SPATA31D1: variants seen among roughly 807,000 people sequenced by gnomAD.
SPATA31D1 encodes the protein spermatogenesis-associated protein 31D1.
In SPATA31D1, 6 loss-of-function variants were observed where a neutral mutation model predicts 13.2. The ratio of observed to expected loss-of-function variants is 0.46; its 90% confidence interval spans 0.25 to 0.90. The LOEUF is 0.90. Among genes scored for constraint, SPATA31D1 ranks in the 40% least tolerant of loss-of-function variants. The pLI is 0.18. For missense variants in SPATA31D1, 2,445 were observed against 1,884.7 expected (o/e 1.30, Z -5.50); for synonymous variants, 903 against 718.8 (o/e 1.26, Z -4.10).
Position 81,993,155 on chromosome 9 carries a change from T to C in SPATA31D1, c.2685T>C (p.Leu895=), listed in dbSNP as rs1462015277. Reference sequence around the variant, plus strand: ...ATACTTCCCAGGAAATTTCCTTCCTTAGTTCCAACAAACAAAAGATGTTGG... The same window carrying C: ...ATACTTCCCAGGAAATTTCCTTCCTCAGTTCCAACAAACAAAAGATGTTGG... ...CVDTSQEISF[L]SSNKQKMLEA... is the part of the protein sequence containing the mutation. The change falls in exon 4 of 4, where the codon CTT becomes CTC. Residue 895 remains leucine (L), a synonymous_variant. Coordinates refer to ENST00000344803, the MANE Select transcript of SPATA31D1 (RefSeq NM_001001670.3). 6 of 1,613,880 alleles carry C rather than the reference T, an allele frequency of 3.7e-6. No individual in the cohort carries two copies. Among genetic ancestry groups the C allele is most frequent in the African/African-American group, 2.7e-5 (2 of 74,936 alleles).
Position 81,993,370 on chromosome 9 carries a change from G to A in SPATA31D1, c.2900G>A (p.Ser967Asn). 3 of 1,613,958 alleles carry A rather than the reference G, an allele frequency of 1.9e-6. No individual in the cohort carries two copies. The highest frequency in any genetic ancestry group is 2.2e-5 in the South Asian group (2 of 91,074). Reference protein sequence around the residue: ...KDGVSKSRSRSTFQGEKLGTT... With the variant: ...KDGVSKSRSRNTFQGEKLGTT... Reference sequence around the variant, plus strand: ...GGGGTCTCTAAGTCCCGTAGTCGAAGCACTTTTCAAGGAGAAAAGTTGGGA... The same window carrying A: ...GGGGTCTCTAAGTCCCGTAGTCGAAACACTTTTCAAGGAGAAAAGTTGGGA... The change falls in exon 4 of 4, where the codon AGC becomes AAC. Residue 967 changes from serine (S) to asparagine (N), a missense_variant. Physicochemically the swap from Ser to Asn is conservative, Grantham distance 46. Coordinates refer to ENST00000344803, the MANE Select transcript of SPATA31D1 (RefSeq NM_001001670.3).
Position 81,993,254 on chromosome 9 carries a change from C to T in SPATA31D1, c.2784C>T (p.Ile928=), listed in dbSNP as rs1428496614. 6.2e-7 allele frequency: 1 copy of T among 1,613,870 alleles called. No individual in the cohort carries two copies. Among genetic ancestry groups the T allele is most frequent in the African/African-American group, 1.3e-5 (1 of 74,930 alleles). Residue 928 remains isoleucine, a synonymous_variant, in exon 4 of 4, where the codon ATC becomes ATT. Transcript: ENST00000344803. ...LPLKVLESIE[I]FKSKADLSTS... Reference sequence around the variant, plus strand: ...TCAAGGTCCTTGAATCCATAGAAATCTTCAAATCGAAAGCGGACCTTTCCA... The same window carrying T: ...TCAAGGTCCTTGAATCCATAGAAATTTTCAAATCGAAAGCGGACCTTTCCA...
chr9:81,990,857 C>A lies in SPATA31D1; in HGVS notation c.387C>A (p.Val129=). The A allele has an allele frequency of 6.2e-7, 1 of 1,613,954 alleles. No homozygotes were observed. Residue 129 remains valine (V), a synonymous_variant, in exon 4 of 4, where the codon GTC becomes GTA. Transcript: ENST00000344803. ...GTCGACTGTTATGCCCAGACCCCGT[C>A]TGTCGGGTGTGTAAGAGAGCAACTG... is the stretch of plus-strand genomic sequence containing the variant. ...HFRRLLCPDP[V]CRVCKRATAD... is the part of the protein sequence containing the mutation.
Position 81,994,597 on chromosome 9 carries a change from A to G in SPATA31D1, c.4127A>G (p.Glu1376Gly). The change falls in exon 4 of 4, where the codon GAA becomes GGA. Residue 1376 changes from glutamate to glycine, a missense_variant. Glu to Gly is a moderately conservative substitution (Grantham distance 98). Coordinates refer to ENST00000344803, the MANE Select transcript of SPATA31D1 (RefSeq NM_001001670.3). ...TATGAAGAACAAGAAAGTTCCTGGG[A>G]AAAGGGTAGCTCCCTGTCATCATGT... ...ISYEEQESSW[E>G]KGSSLSSCVQ... is the part of the protein sequence containing the mutation. 1.2e-6 allele frequency: 2 copies of G among 1,612,818 alleles called. No homozygotes were observed. Among genetic ancestry groups the G allele is most frequent in the Non-Finnish European group, 1.7e-6 (2 of 1,179,296 alleles).
chr9:81,989,134 A>G, intron 1 of SPATA31D1, 130 bp downstream of exon 1: 1 of 1,367,980 alleles, frequency 7.3e-7, no homozygotes, highest in Non-Finnish European at 9.8e-7. Context: ...GAGAGGATAG[A>G]ACTTCACTCT....
At position 81,992,123 on chromosome 9, in the gene SPATA31D1, A is replaced by C; in HGVS notation, c.1653A>C (p.Gln551His). The change falls in exon 4 of 4, where the codon CAA (glutamine) becomes CAC (histidine). Residue 551 changes from glutamine to histidine, a missense_variant. Coordinates refer to ENST00000344803, the MANE Select transcript of SPATA31D1 (RefSeq NM_001001670.3). Reference protein sequence around the residue: ...SHESPVLPPPQPLSLPSTQPL... With the variant: ...SHESPVLPPPHPLSLPSTQPL... ...AATCCCCAGTACTTCCCCCTCCCCA[A>C]CCTCTGTCCTTGCCTAGTACCCAAC... The C allele has an allele frequency of 1.2e-6, 2 of 1,613,320 alleles. No individual in the cohort carries two copies. The highest frequency in any genetic ancestry group is 8.5e-7 in the Non-Finnish European group (1 of 1,179,614).
In SPATA31D1 at chr9:81,995,228, C is replaced by A; in HGVS notation, c.*27C>A. The A allele has an allele frequency of 6.8e-7, 1 of 1,475,464 alleles. No individual in the cohort carries two copies. Among genetic ancestry groups the A allele is most frequent in the South Asian group, 1.3e-5 (1 of 75,170 alleles). The allele number at this position is 1,475,464 out of a possible 1,614,324, so 91.4% of individuals were successfully genotyped here. ...TCACTCCTTGTTGAGAATCTTGATT[C>A]TCCCCAATAAATGTTCCAATAAGAA... On this transcript the variant is annotated 3_prime_UTR_variant, in exon 4 of 4. Transcript: ENST00000344803.
At chr9:81,989,072 T>G (rs1285065583) in intron 1 of SPATA31D1, 68 bp downstream of exon 1, 51 of 1,574,672 alleles carry the variant, frequency 3.2e-5, no homozygotes, top group Non-Finnish European at 4.1e-5. Flanking sequence ...ATTCCAACAT[T>G]TCTAAATAAG....
chr9:81,990,236 G>T lies in SPATA31D1; in HGVS notation c.233-181G>T, dbSNP rs1824923867. 9 of 560,176 alleles carry T rather than the reference G, an allele frequency of 1.6e-5. No individual in the cohort carries two copies. The South Asian group carries it at 2.6e-4, about 16-fold the overall frequency. The allele number at this position is 560,176 out of a possible 1,614,324, so 34.7% of individuals were successfully genotyped here. A position where few individuals can be genotyped will look rare whatever the true frequency, so the allele number is the denominator to read the frequency against. ...GAGCATCACATGGGGTAATGTATGTGAAAGGACTTTACTAATGATGCCACA... is the reference window on the plus strand; with the variant it reads ...GAGCATCACATGGGGTAATGTATGTTAAAGGACTTTACTAATGATGCCACA... On this transcript the variant is annotated intron_variant, in intron 2 of 3. Transcript: ENST00000344803.
rs1157392946 is a variant in SPATA31D1, at chr9:81,990,663, A to ATAC, written c.303-109_303-107dup. 1.7e-5 allele frequency: 24 copies of ATAC among 1,407,990 alleles called. No homozygotes were observed. The African/African-American group carries it at 2.9e-4, about 17-fold the overall frequency. 87.2% of individuals were successfully genotyped at this position (1,407,990 alleles called of 1,614,324 possible). On this transcript the variant is annotated intron_variant, in intron 3 of 3. Coordinates refer to ENST00000344803, the MANE Select transcript of SPATA31D1 (RefSeq NM_001001670.3). ...CTATAGTGAGGTCATAGGACCTCAT[A>ATAC]TACGGTGAGGTCCTGGGTTGGGGGC...
rs757678866 is a variant in SPATA31D1 at position 81,993,968 on chromosome 9, A to T, written c.3498A>T (p.Ser1166=). 6.2e-7 allele frequency: 1 copy of T among 1,613,902 alleles called. No individual in the cohort carries two copies. Among genetic ancestry groups the T allele is most frequent in the Non-Finnish European group, 8.5e-7 (1 of 1,179,788 alleles). Reference sequence around the variant, plus strand: ...GGAACAACTTGACAACCAGCAAGTCAGGAAGCTGCTCACTGACAAATGTGA... The same window carrying T: ...GGAACAACTTGACAACCAGCAAGTCTGGAAGCTGCTCACTGACAAATGTGA... ...QTRNNLTTSK[S]GSCSLTNVKA... Residue 1166 remains serine, a synonymous_variant, in exon 4 of 4, where the codon TCA becomes TCT. Coordinates refer to ENST00000344803, the MANE Select transcript of SPATA31D1 (RefSeq NM_001001670.3).
rs371191139 is a variant in SPATA31D1 at position 81,993,718 on chromosome 9, A to G, written c.3248A>G (p.Glu1083Gly). The G allele has an allele frequency of 1.2e-6, 2 of 1,613,894 alleles. No individual in the cohort carries two copies. The highest frequency in any genetic ancestry group is 2.7e-5 in the African/African-American group (2 of 74,936). The change falls in exon 4 of 4, where the codon GAG becomes GGG. Residue 1083 changes from glutamate to glycine, a missense_variant. Physicochemically the swap from Glu to Gly is moderately conservative, Grantham distance 98. Transcript: ENST00000344803. ...NDLTESVRTT[E>G]DGRQTFLPPP... ...CTTACAGAAAGTGTCCGGACAACAG[A>G]GGATGGCAGACAGACTTTTCTGCCC...
In SPATA31D1 at chr9:81,992,425, C is replaced by T. The variant is rs1824992085; in HGVS notation, c.1955C>T (p.Pro652Leu). The T allele has an allele frequency of 3.1e-6, 5 of 1,613,122 alleles. No individual in the cohort carries two copies. The highest frequency in any genetic ancestry group is 1.1e-5 in the South Asian group (1 of 91,046). Residue 652 changes from proline to leucine, a missense_variant, in exon 4 of 4, where the codon CCT becomes CTT. Pro to Leu is a moderately conservative substitution (Grantham distance 98). Transcript: ENST00000344803. ...CAAAAATCCCAGGAAGACTTTTGTCCTCCAGCTCCCAATCCTGAATTGGTC... is the reference window on the plus strand; with the variant it reads ...CAAAAATCCCAGGAAGACTTTTGTCTTCCAGCTCCCAATCCTGAATTGGTC... ...VVQKSQEDFC[P>L]PAPNPELVRK...
In SPATA31D1 at chr9:81,992,845, C is replaced by A. The variant is rs764583739; in HGVS notation, c.2375C>A (p.Ser792Tyr). 1 of 1,613,784 alleles carries A rather than the reference C, an allele frequency of 6.2e-7. No homozygotes were observed. Among genetic ancestry groups the A allele is most frequent in the African/African-American group, 1.3e-5 (1 of 75,054 alleles). ...KDHLLHGPET[S>Y]SDKDLRSNSE... Reference sequence around the variant, plus strand: ...CACCTGTTGCATGGTCCGGAGACTTCTTCAGACAAGGATCTGAGGTCTAAC... The same window carrying A: ...CACCTGTTGCATGGTCCGGAGACTTATTCAGACAAGGATCTGAGGTCTAAC... Residue 792 changes from serine to tyrosine, a missense_variant, in exon 4 of 4, where the codon TCT becomes TAT. By Grantham distance (144) the Ser-to-Tyr change is moderately radical (BLOSUM62 -2). Coordinates refer to ENST00000344803, the MANE Select transcript of SPATA31D1 (RefSeq NM_001001670.3).
chr9:81,988,565 G>A (rs1824892431), upstream of SPATA31D1, among the ~76,000 whole-genome samples: 1 of 152,118 alleles, frequency 6.6e-6, no homozygotes, highest in South Asian at 2.1e-4. Context: ...ATTCCACTAA[G>A]ATAAATATAT....
Position 81,995,165 on chromosome 9 carries a change from G to A in SPATA31D1, c.4695G>A (p.Lys1565=), listed in dbSNP as rs1825073459. ...TAACTGGACAGAAAATGCTTCCAAAGCATTTACAGGGAGGAAAATTTCCCC... is the reference window on the plus strand; with the variant it reads ...TAACTGGACAGAAAATGCTTCCAAAACATTTACAGGGAGGAAAATTTCCCC... The part of the protein sequence containing the change: ...PFLTGQKMLP[K]HLQGGKFPPT... The change falls in exon 4 of 4, where the codon AAG becomes AAA. Residue 1565 remains lysine (K), a synonymous_variant. Transcript: ENST00000344803. 1 of 1,554,740 alleles carries A rather than the reference G, an allele frequency of 6.4e-7. No homozygotes were observed.
rs1425577898 is a variant in SPATA31D1, at chr9:81,992,149, C to G, written c.1679C>G (p.Pro560Arg). The change falls in exon 4 of 4, where the codon CCA becomes CGA. Residue 560 changes from proline to arginine, a missense_variant. Transcript: ENST00000344803. ...CCTCTGTCCTTGCCTAGTACCCAAC[C>G]ACTACCCTTGCCTCAAACCCTGCCC... ...PQPLSLPSTQ[P>R]LPLPQTLPQG... 5.0e-6 allele frequency: 8 copies of G among 1,613,748 alleles called. No individual in the cohort carries two copies. The highest frequency in any genetic ancestry group is 6.8e-6 in the Non-Finnish European group (8 of 1,179,720).
At position 81,993,891 on chromosome 9, in the gene SPATA31D1, C is replaced by T. The variant is rs1369999245; in HGVS notation, c.3421C>T (p.Gln1141Ter). The change falls in exon 4 of 4, where the codon CAG becomes TAG. Residue 1141 changes from glutamine to a stop codon, truncating the protein, a stop_gained. Coordinates refer to ENST00000344803, the MANE Select transcript of SPATA31D1 (RefSeq NM_001001670.3). LOFTEE classifies it low-confidence loss of function (END_TRUNC). ...TTCCTTTCATAATGTAGACAGGCTT[C>T]AGGGCAGTAGAAAGACCTTTCCTGT... is the stretch of plus-strand genomic sequence containing the variant. ...KSSFHNVDRL[Q>*]GSRKTFPVTN... The T allele has an allele frequency of 1.2e-6, 2 of 1,613,858 alleles. No individual in the cohort carries two copies. The highest frequency in any genetic ancestry group is 2.7e-5 in the African/African-American group (2 of 74,930).
At position 81,993,771 on chromosome 9, in the gene SPATA31D1, A is replaced by G; in HGVS notation, c.3301A>G (p.Ser1101Gly). 6.2e-7 allele frequency: 1 copy of G among 1,614,028 alleles called. No individual in the cohort carries two copies. The highest frequency in any genetic ancestry group is 8.5e-7 in the Non-Finnish European group (1 of 1,179,896). ...GCCACACAGCATCGTAGACGAAGTC[A>G]GTCAGAAACAGACTGTACTGGCCAG... The part of the protein sequence containing the change: ...PPPHSIVDEV[S>G]QKQTVLASRC... The change falls in exon 4 of 4, where the codon AGT becomes GGT. Residue 1101 changes from serine (S) to glycine (G), a missense_variant. Ser to Gly is a moderately conservative substitution (Grantham distance 56, BLOSUM62 0). Coordinates refer to ENST00000344803, the MANE Select transcript of SPATA31D1 (RefSeq NM_001001670.3).
Sources: gnomAD v4.1 joint callset for allele counts (sites outside exome capture counted in the v4.1 genomes callset) on GRCh38, gnomAD v4.1.1 for gene constraint, MANE v1.5 for transcripts, NCBI Gene and HGNC (gene_info 2026-07-23, HGNC 2026-07-21) for gene names.